Variants in OR2L5 observed in about 807,000 individuals in gnomAD.
OR2L5 encodes the protein olfactory receptor 2L5.
For missense variants in OR2L5, 413 were observed against 381.6 expected (o/e 1.08, Z -0.69); for synonymous variants, 169 against 142.0 (o/e 1.19, Z -1.35).
chr1:248,018,523 C>T (rs921831468), intron 1 of OR2L5, among the ~76,000 whole-genome samples: 4 of 152,000 alleles, frequency 2.6e-5, no homozygotes, highest in Non-Finnish European at 5.9e-5. Flanking sequence ...CACAAATTAC[C>T]AGAGGTCATA....
intron 1 of OR2L5, among the ~76,000 whole-genome samples, chr1:248,015,361 T>G (rs1050785339): frequency 6.6e-6 from 1 of 152,172 alleles, no homozygotes; most frequent in Non-Finnish European, 1.5e-5. Flanking sequence ...TCCTTGCCTA[T>G]ACTCCGGAGG....
At chr1:248,021,761 A>G (rs1207337804) in intron 1 of OR2L5, among the ~76,000 whole-genome samples, 166 bp from the exon 2 acceptor site, 2 of 152,240 alleles carry the variant, frequency 1.3e-5, no homozygotes, top group African/African-American at 4.8e-5. Flanking sequence ...TTCCTTGTCT[A>G]ATTTATAAAT....
chr1:248,017,834 C>T (rs956372096), intron 1 of OR2L5, among the ~76,000 whole-genome samples: 2 of 152,234 alleles, frequency 1.3e-5, no homozygotes, highest in South Asian at 2.1e-4. Flanking sequence ...CAATGTCATA[C>T]AAACTTGCCT....
rs775826927 is a variant in OR2L5 at position 248,022,034 on chromosome 1, C to T, written c.87C>T (p.Leu29=). The T allele has an allele frequency of 6.2e-7, 1 of 1,613,966 alleles. No homozygotes were observed. The highest frequency in any genetic ancestry group is 2.2e-5 in the East Asian group (1 of 44,878). Residue 29 remains leucine, a synonymous_variant, in exon 2 of 2, where the codon CTC becomes CTT. Coordinates refer to ENST00000355281, the MANE Select transcript of OR2L5 (RefSeq NM_001258284.2). The stretch of plus-strand genomic sequence containing the variant: ...AAATTGGCCTTTTCCTCTTCATTCT[C>T]TTTGTTCTCATTTTCCTAATGGCTC... ...PSKIGLFLFI[L]FVLIFLMALI...
Position 248,024,191 on chromosome 1 carries a change from G to T in OR2L5, c.*1305G>T, listed in dbSNP as rs1662418734. On this transcript the variant is annotated 3_prime_UTR_variant, in exon 2 of 2. Transcript: ENST00000355281. ...TAAGCCCCATATGCTTTAGGTATTT[G>T]TCCTAATGCTCTCCCTCCCCTTGCC... 5.9e-5 allele frequency: 9 copies of T among 151,900 alleles called. No individual in the cohort carries two copies. The allele number at this position is 151,900 out of a possible 1,614,324, so 9.4% of individuals were successfully genotyped here. A position where few individuals can be genotyped will look rare whatever the true frequency, so the allele number is the denominator to read the frequency against.
Position 248,022,573 on chromosome 1 carries a change from C to T in OR2L5, c.626C>T (p.Pro209Leu). 2 of 1,614,140 alleles carry T rather than the reference C, an allele frequency of 1.2e-6. No individual in the cohort carries two copies. The highest frequency in any genetic ancestry group is 2.2e-5 in the South Asian group (2 of 91,080). ...FLSSTIFLVF[P>L]FTGIACSYGW... ...AGCAGCACCATCTTTCTTGTGTTTC[C>T]CTTCACTGGCATTGCGTGTTCCTAT... Residue 209 changes from proline (P) to leucine (L), a missense_variant, in exon 2 of 2, where the codon CCC becomes CTC. By Grantham distance (98) the Pro-to-Leu change is moderately conservative (BLOSUM62 -3). Transcript: ENST00000355281.
At chr1:248,016,987 G>T (rs2103073956) in intron 1 of OR2L5, among the ~76,000 whole-genome samples, 1 of 152,248 alleles carries the variant, frequency 6.6e-6, no homozygotes, top group Non-Finnish European at 1.5e-5. Context: ...AGTGTGTGGA[G>T]ATAGTCAATA....
In OR2L5 at chr1:248,022,522, G is replaced by A; in HGVS notation, c.575G>A (p.Trp192Ter). Residue 192 changes from tryptophan (W) to a stop codon, truncating the protein, a stop_gained, in exon 2 of 2, where the codon TGG (tryptophan) becomes TAG (stop). Coordinates refer to ENST00000355281, the MANE Select transcript of OR2L5 (RefSeq NM_001258284.2). LOFTEE classifies it low-confidence loss of function (END_TRUNC). ...AMLTLACTDT[W>*]VYEYTVFLSS... ...TTGACATTAGCCTGTACAGACACCT[G>A]GGTCTATGAGTACACAGTGTTTTTG... 1 of 1,614,096 alleles carries A rather than the reference G, an allele frequency of 6.2e-7. No homozygotes were observed. Among genetic ancestry groups the A allele is most frequent in the Non-Finnish European group, 8.5e-7 (1 of 1,180,004 alleles).
rs528003385 is a variant in OR2L5 at position 248,022,874 on chromosome 1, G to T, written c.927G>T (p.Ser309=). The change falls in exon 2 of 2, where the codon TCG becomes TCT. Residue 309 remains serine, a synonymous_variant. Coordinates refer to ENST00000355281, the MANE Select transcript of OR2L5 (RefSeq NM_001258284.2). ...ALTRVIQNIF[S]VKM ...CACGAGTGATTCAGAATATCTTCTC[G>T]GTGAAAATGTAGACATACGTTCTGT... is the stretch of plus-strand genomic sequence containing the variant. 13 of 1,606,216 alleles carry T rather than the reference G, an allele frequency of 8.1e-6. No homozygotes were observed. Among genetic ancestry groups the T allele is most frequent in the South Asian group, 1.1e-5 (1 of 90,372 alleles).
chr1:248,018,160 TA>T (rs936469426), intron 1 of OR2L5, among the ~76,000 whole-genome samples: 14 of 144,162 alleles, frequency 9.7e-5, no homozygotes, highest in South Asian at 4.3e-4. Context: ...CTCAAAAAAA[TA>T]AAAAAAAAAA....
intron 1 of OR2L5, among the ~76,000 whole-genome samples, chr1:248,013,947 C>T (rs1029675243): frequency 9.9e-5 from 15 of 151,978 alleles, no homozygotes; most frequent in African/African-American, 3.4e-4. Flanking sequence ...AAATGTGTTT[C>T]CCGGATTGGA....
In OR2L5 at chr1:248,022,915, C is replaced by A; in HGVS notation, c.*29C>A. The A allele has an allele frequency of 6.4e-7, 1 of 1,568,998 alleles. No individual in the cohort carries two copies. On this transcript the variant is annotated 3_prime_UTR_variant, in exon 2 of 2. Coordinates refer to ENST00000355281, the MANE Select transcript of OR2L5 (RefSeq NM_001258284.2). ...TACGTTCTGTGTTAGAGTCAAAGCG[C>A]TAGGTTCATATCAACTCAGCAGTGT...
rs142147361 is a variant in OR2L5, at chr1:248,018,244, G to A, written c.-21-3683G>A. On this transcript the variant is annotated intron_variant, in intron 1 of 1. Coordinates refer to ENST00000355281, the MANE Select transcript of OR2L5 (RefSeq NM_001258284.2). ...CAATAAATATGAGATCTGATGTGCC[G>A]TCTATTATTCTGTCCTATGTTACTT... is the stretch of plus-strand genomic sequence containing the variant. 3.6e-3 allele frequency among the ~76,000 whole-genome samples: 543 copies of A among 152,056 alleles called. 1 individual carries two copies. Among genetic ancestry groups the A allele is most frequent in the African/African-American group, 0.012 (514 of 41,468 alleles).
Position 248,022,970 on chromosome 1 carries a change from C to A in OR2L5, c.*84C>A. 1.6e-6 allele frequency: 2 copies of A among 1,220,180 alleles called. No homozygotes were observed. The highest frequency in any genetic ancestry group is 1.5e-5 in the African/African-American group (1 of 66,048). 75.6% of individuals were successfully genotyped at this position (1,220,180 alleles called of 1,614,324 possible). On this transcript the variant is annotated 3_prime_UTR_variant, in exon 2 of 2. Coordinates refer to ENST00000355281, the MANE Select transcript of OR2L5 (RefSeq NM_001258284.2). ...CAGTGAAGAAAAACATTATTACATGCCCAGTATGTCAAACAGAGATTAATC... is the reference window on the plus strand; with the variant it reads ...CAGTGAAGAAAAACATTATTACATGACCAGTATGTCAAACAGAGATTAATC...
intron 1 of OR2L5, among the ~76,000 whole-genome samples, chr1:248,021,689 C>A (rs985333120): frequency 6.6e-6 from 1 of 152,088 alleles, no homozygotes; most frequent in East Asian, 1.9e-4. Flanking sequence ...ATTTGCATAA[C>A]TTTTATTAGA....
rs1662387028 is a variant in OR2L5, at chr1:248,023,031, T to C, written c.*145T>C. On this transcript the variant is annotated 3_prime_UTR_variant, in exon 2 of 2. Coordinates refer to ENST00000355281, the MANE Select transcript of OR2L5 (RefSeq NM_001258284.2). The stretch of plus-strand genomic sequence containing the variant: ...GTCTTTTAATTTAGTCTTGACATTA[T>C]AGTTGCATATTCTAAGACATCTATT... 2 of 725,976 alleles carry C rather than the reference T, an allele frequency of 2.8e-6. No homozygotes were observed. Among genetic ancestry groups the C allele is most frequent in the East Asian group, 5.5e-5 (2 of 36,228 alleles). 45.0% of individuals were successfully genotyped at this position (725,976 alleles called of 1,614,324 possible). A position where few individuals can be genotyped will look rare whatever the true frequency, so the allele number is the denominator to read the frequency against.
intron 1 of OR2L5, among the ~76,000 whole-genome samples, chr1:248,015,346 A>G (rs1198199646): frequency 6.6e-6 from 1 of 152,118 alleles, no homozygotes; most frequent in African/African-American, 2.4e-5. Flanking sequence ...TGCTGTGGAG[A>G]GCCGTCCTTG....
intron 1 of OR2L5, among the ~76,000 whole-genome samples, chr1:248,021,065 C>T (rs1662322426): frequency 6.6e-6 from 1 of 151,976 alleles, no homozygotes; most frequent in Admixed American, 6.6e-5. Flanking sequence ...TAATTTATTC[C>T]TAATAAGATC....
In OR2L5 at chr1:248,023,095, C is replaced by A. The variant is rs903297758; in HGVS notation, c.*209C>A. The A allele has an allele frequency of 6.0e-5, 27 of 453,006 alleles. No individual in the cohort carries two copies. The highest frequency in any genetic ancestry group is 9.3e-5 in the Non-Finnish European group (24 of 259,314). 28.1% of individuals were successfully genotyped at this position (453,006 alleles called of 1,614,324 possible). On this transcript the variant is annotated 3_prime_UTR_variant, in exon 2 of 2. Transcript: ENST00000355281. Reference sequence around the variant, plus strand: ...TGTTTCTTTTTATCAAAAGACAGATCATATATTTTACACTAAATTGTAAGG... The same window carrying A: ...TGTTTCTTTTTATCAAAAGACAGATAATATATTTTACACTAAATTGTAAGG...
Sources: allele counts gnomAD v4.1 joint callset (sites outside exome capture counted in the v4.1 genomes callset), GRCh38; gene constraint gnomAD v4.1.1; transcripts MANE v1.5; gene names NCBI Gene and HGNC (gene_info 2026-07-23, HGNC 2026-07-21).